Variants in KDM4C observed in about 807,000 individuals in gnomAD.
KDM4C encodes lysine demethylase 4C.
A neutral mutation model predicts 129.3 loss-of-function variants in KDM4C; 81 were observed. The observed-to-expected ratio is 0.63, with a 90% confidence interval of 0.52 to 0.75. The LOEUF (loss-of-function observed/expected upper bound fraction) is 0.75, where lower values mean the gene tolerates loss of function less well. Ranked by LOEUF, KDM4C falls within the 30% of genes least tolerant of loss-of-function variation. KDM4C has a pLI of 0.00. For synonymous variants in KDM4C, 573 were observed against 456.1 expected, an observed-to-expected ratio of 1.26 and a Z score of -3.26; for missense variants, 1,457 against 1,304.0, an observed-to-expected ratio of 1.12 and a Z score of -1.81.
At chr9:6,905,425 G>A (rs1389795297) in intron 8 of KDM4C, among the ~76,000 whole-genome samples, 1 of 152,130 alleles carries the variant, frequency 6.6e-6, no homozygotes, top group African/African-American at 2.4e-5. Context: ...CCATTAGTTT[G>A]GGGGAACATA....
At chr9:6,876,023 CAGGCTGCTGG>C (rs1475293309) in intron 5 of KDM4C, among the ~76,000 whole-genome samples, 4 of 152,176 alleles carry the variant, frequency 2.6e-5, no homozygotes, top group Non-Finnish European at 5.9e-5. Context: ...GCCTGATCAT[CAGGCTGCTGG>C]AGAGTTGAGT....
At chr9:7,062,798 A>C (rs1587370112) in intron 17 of KDM4C, among the ~76,000 whole-genome samples, 2 of 152,296 alleles carry the variant, frequency 1.3e-5, no homozygotes, top group South Asian at 4.1e-4. Context: ...CTTTTAACCC[A>C]GAAATTCCAT....
chr9:6,882,276 T>G (rs1365219706), intron 6 of KDM4C, among the ~76,000 whole-genome samples: 1 of 152,216 alleles, frequency 6.6e-6, no homozygotes, highest in Non-Finnish European at 1.5e-5. Flanking sequence ...TTTGATACAA[T>G]TGGATTGCAA....
chr9:7,015,938 C>G lies in KDM4C; in HGVS notation c.2259+9C>G, dbSNP rs1586927588. On this transcript the variant is annotated intron_variant, in intron 15 of 21. Coordinates refer to ENST00000381309, the MANE Select transcript of KDM4C (RefSeq NM_015061.6). ...GAAATGCGTGGACAGCAGTAAGTAG[C>G]TTATTTTAGTATTGCTTAACCTTTC... 1.2e-6 allele frequency: 2 copies of G among 1,600,352 alleles called. No homozygotes were observed. The highest frequency in any genetic ancestry group is 1.3e-5 in the African/African-American group (1 of 74,646).
intron 18 of KDM4C, among the ~76,000 whole-genome samples, chr9:7,117,178 G>A (rs899042774): frequency 2.0e-5 from 3 of 151,948 alleles, no homozygotes; most frequent in African/African-American, 4.8e-5. Flanking sequence ...TGTTTTAGTA[G>A]TCATTTTTCT....
At chr9:7,118,626 G>A (rs1338821772) in intron 18 of KDM4C, among the ~76,000 whole-genome samples, 1 of 152,156 alleles carries the variant, frequency 6.6e-6, no homozygotes, top group Non-Finnish European at 1.5e-5. Context: ...AAATAACAAA[G>A]TTGAGATGGT....
rs1818492845 is a variant in KDM4C, at chr9:6,990,309, G to C, written c.1678-107G>C. The stretch of plus-strand genomic sequence containing the variant: ...TTCCCCAAGAGGTAAACAACCACAA[G>C]ATTTCTTCAACATTAAGTGATAAAT... On this transcript the variant is annotated intron_variant, in intron 11 of 21. Transcript: ENST00000381309. The C allele has an allele frequency of 7.9e-6, 6 of 761,542 alleles. No individual in the cohort carries two copies. In the East Asian group the frequency reaches 8.2e-5, roughly 10 times the overall value. 47.2% of individuals were successfully genotyped at this position (761,542 alleles called of 1,614,324 possible). A position where few individuals can be genotyped will look rare whatever the true frequency, so the allele number is the denominator to read the frequency against.
chr9:6,821,915 G>A (rs1229809799), intron 4 of KDM4C, among the ~76,000 whole-genome samples: 1 of 152,186 alleles, frequency 6.6e-6, no homozygotes, highest in African/African-American at 2.4e-5. Flanking sequence ...GATTATAGGC[G>A]TGAGCTGCTG....
intron 15 of KDM4C, among the ~76,000 whole-genome samples, chr9:7,023,795 T>C (rs1237251355): frequency 2.0e-5 from 3 of 152,180 alleles, no homozygotes; most frequent in Non-Finnish European, 4.4e-5. Flanking sequence ...TTAGTATTGC[T>C]TTTGCTGTAT....
At chr9:7,173,505 G>C (rs1182764281) in intron 21 of KDM4C, among the ~76,000 whole-genome samples, 1 of 152,206 alleles carries the variant, frequency 6.6e-6, no homozygotes, top group South Asian at 2.1e-4. Flanking sequence ...CTTTTAGAGA[G>C]CTTTCTTCCA....
intron 8 of KDM4C, among the ~76,000 whole-genome samples, chr9:6,965,644 C>G (rs1464889302): frequency 6.6e-6 from 1 of 152,182 alleles, no homozygotes; most frequent in Non-Finnish European, 1.5e-5. Context: ...ACCTGTGTTT[C>G]AGGTGTGGTC....
intron 1 of KDM4C, among the ~76,000 whole-genome samples, chr9:6,721,809 C>G (rs953677830): frequency 1.3e-5 from 2 of 150,888 alleles, no homozygotes; most frequent in African/African-American, 2.4e-5. Flanking sequence ...ATGCTGGTCT[C>G]AAACTCCTGA....
chr9:6,893,984 A>C (rs1394283120), intron 8 of KDM4C, among the ~76,000 whole-genome samples: 1 of 152,210 alleles, frequency 6.6e-6, no homozygotes, highest in Admixed American at 6.5e-5. Context: ...GCTTCTAAAT[A>C]AAACTGTGTG....
chr9:7,152,120 A>G (rs10733531), intron 19 of KDM4C, among the ~76,000 whole-genome samples: 128,748 of 152,256 alleles, frequency 0.85, 54,701 homozygotes, highest in African/African-American at 0.9. Context: ...CTGATGTTGA[A>G]TTTTTCAAAG....
At chr9:6,722,690 T>G (rs1466407099) in intron 1 of KDM4C, among the ~76,000 whole-genome samples, 1 of 151,958 alleles carries the variant, frequency 6.6e-6, no homozygotes, top group Non-Finnish European at 1.5e-5. Flanking sequence ...ATTTTGTATT[T>G]TTAGTAGAGA....
At chr9:6,987,878 C>G (rs2131881381) in intron 11 of KDM4C, among the ~76,000 whole-genome samples, 1 of 151,592 alleles carries the variant, frequency 6.6e-6, no homozygotes, top group South Asian at 2.1e-4. Flanking sequence ...CAACTTTGGC[C>G]AAATGTGGTG....
intron 17 of KDM4C, among the ~76,000 whole-genome samples, chr9:7,065,770 T>C (rs950893127): frequency 6.6e-6 from 1 of 152,214 alleles, no homozygotes; most frequent in Non-Finnish European, 1.5e-5. Context: ...CCATTTGGTA[T>C]GATTTATTTT....
intron 15 of KDM4C, among the ~76,000 whole-genome samples, chr9:7,035,727 G>A (rs2381536): frequency 0.59 from 89,797 of 151,848 alleles, 27,194 homozygotes; most frequent in Non-Finnish European, 0.66. Flanking sequence ...TTCCGGCACT[G>A]TTCATTGAAG....
chr9:6,986,656 A>C lies in KDM4C; in HGVS notation c.1667A>C (p.Lys556Thr). 1.2e-6 allele frequency: 2 copies of C among 1,605,872 alleles called. No homozygotes were observed. The highest frequency in any genetic ancestry group is 1.7e-6 in the Non-Finnish European group (2 of 1,173,946). Reference protein sequence around the residue: ...AVPSGERNSFKVPSIAEGENK... With the variant: ...AVPSGERNSFTVPSIAEGENK... ...CCCAGTGGAGAGAGAAATAGCTTCA[A>C]AGTCCCCAGTGTATGTGGCAATATC... is the stretch of plus-strand genomic sequence containing the variant. Residue 556 changes from lysine to threonine, a missense_variant, in exon 11 of 22, where the codon AAA (lysine) becomes ACA (threonine). Transcript: ENST00000381309.
Sources: allele counts gnomAD v4.1 joint callset (sites outside exome capture counted in the v4.1 genomes callset), GRCh38; gene constraint gnomAD v4.1.1; transcripts MANE v1.5; gene names NCBI Gene and HGNC (gene_info 2026-07-23, HGNC 2026-07-21).